FRYL: variants seen among roughly 807,000 people sequenced by gnomAD.
FRYL encodes the protein FRY like transcription coactivator.
A neutral mutation model predicts 351.2 loss-of-function variants in FRYL; 150 were observed. That is an observed-to-expected ratio of 0.43 (90% CI 0.37 to 0.49). FRYL has a LOEUF of 0.49. Among genes scored for constraint, FRYL ranks in the 20% least tolerant of loss-of-function variants. The pLI is 0.00. For synonymous variants in FRYL, 1,153 were observed against 1,257.1 expected (o/e 0.92, Z 1.75); for missense variants, 3,036 against 3,619.3 (o/e 0.84, Z 4.13).
chr4:48,667,917 T>C (rs1179875066), intron 3 of FRYL, among the ~76,000 whole-genome samples: 1 of 152,192 alleles, frequency 6.6e-6, no homozygotes, highest in African/African-American at 2.4e-5. Context: ...CAAAGTGCTG[T>C]GATTACAGGC....
intron 3 of FRYL, among the ~76,000 whole-genome samples, chr4:48,643,788 T>C (rs1306708685): frequency 3.9e-5 from 6 of 152,058 alleles, no homozygotes; most frequent in African/African-American, 1.2e-4. Context: ...AAGAAAAGCA[T>C]AGGACTTCAT....
At chr4:48,737,067 GTCAGGAGTT>G (rs1356947137) in intron 1 of FRYL, among the ~76,000 whole-genome samples, 1 of 151,502 alleles carries the variant, frequency 6.6e-6, no homozygotes, top group African/African-American at 2.4e-5. Flanking sequence ...ATCATCTGAG[GTCAGGAGTT>G]TCAGATCAGC....
At chr4:48,737,087 C>G (rs1370605292) in intron 1 of FRYL, among the ~76,000 whole-genome samples, 1 of 151,524 alleles carries the variant, frequency 6.6e-6, no homozygotes, top group Non-Finnish European at 1.5e-5. Flanking sequence ...TCAGATCAGC[C>G]TGGCCAACAT....
intron 18 of FRYL, 104 bp downstream of exon 18, chr4:48,589,641 T>C (rs1578245054): frequency 9.5e-7 from 1 of 1,054,692 alleles, no homozygotes; most frequent in Non-Finnish European, 1.4e-6. Context: ...GATAGAAACA[T>C]GGAAGAACTC....
chr4:48,614,815 C>CTT (rs369399363), intron 7 of FRYL, among the ~76,000 whole-genome samples: 1 of 67,930 alleles, frequency 1.5e-5, no homozygotes, highest in African/African-American at 6.0e-5. Context: ...AAGTTTAATG[C>CTT]TTTTTTTTTT....
chr4:48,525,970 CTGTATATGAGT>C (rs1374861217), intron 53 of FRYL, among the ~76,000 whole-genome samples: 2 of 149,766 alleles, frequency 1.3e-5, no homozygotes, highest in African/African-American at 2.5e-5. Flanking sequence ...TGTGTATGAG[CTGTATATGAGT>C]TGTATATGTG....
chr4:48,533,460 C>T (rs1416704355), intron 49 of FRYL, among the ~76,000 whole-genome samples: 2 of 152,112 alleles, frequency 1.3e-5, no homozygotes, highest in Non-Finnish European at 1.5e-5. Context: ...GATTACATAA[C>T]TGAATCACTG....
At position 48,593,943 on chromosome 4, in the gene FRYL, G is replaced by A. The variant is rs537581268; in HGVS notation, c.1322C>T (p.Thr441Ile). ...LSVGKSTKTF[T>I]INPERMNIGL... ...TAATTTTTTTACCTCTGGATTAATGGTGAAAGTTTTAGTAGATTTTCCAAC... is the reference window on the plus strand; with the variant it reads ...TAATTTTTTTACCTCTGGATTAATGATGAAAGTTTTAGTAGATTTTCCAAC... The change falls in exon 16 of 64, where the codon ACC becomes ATC. Residue 441 changes from threonine (T) to isoleucine (I), a missense_variant. By Grantham distance (89) the Thr-to-Ile change is moderately conservative. Around this residue, in one of 7 missense-constraint regions of FRYL, gnomAD observed 457 missense variants for 566.6 expected, o/e 0.81. Coordinates refer to ENST00000358350, the MANE Select transcript of FRYL (RefSeq NM_015030.2). The A allele has an allele frequency of 1.4e-6, 2 of 1,412,394 alleles. No homozygotes were observed. The highest frequency in any genetic ancestry group is 1.9e-6 in the Non-Finnish European group (2 of 1,063,006). 87.5% of individuals were successfully genotyped at this position (1,412,394 alleles called of 1,614,324 possible). A position where few individuals can be genotyped will look rare whatever the true frequency, so the allele number is the denominator to read the frequency against.
intron 61 of FRYL, 119 bp downstream of exon 61, chr4:48,502,709 T>C: frequency 2.9e-6 from 2 of 697,254 alleles, no homozygotes; most frequent in Non-Finnish European, 2.5e-6. Context: ...CTGAAGCACA[T>C]ACTACTTGTA....
chr4:48,579,319 A>G, intron 22 of FRYL, 78 bp from the exon 23 acceptor site: 1 of 1,180,874 alleles, frequency 8.5e-7, no homozygotes, highest in Non-Finnish European at 1.2e-6. Flanking sequence ...CTTTAAACTG[A>G]AAGTGGTGTA....
In FRYL at chr4:48,550,719, A is replaced by G. The variant is rs1732516166; in HGVS notation, c.4521-15T>C. 1 of 1,537,554 alleles carries G rather than the reference A, an allele frequency of 6.5e-7. No individual in the cohort carries two copies. Among genetic ancestry groups the G allele is most frequent in the Non-Finnish European group, 9.0e-7 (1 of 1,110,206 alleles). On this transcript the variant is annotated splice_polypyrimidine_tract_variant and intron_variant, in intron 37 of 63. Coordinates refer to ENST00000358350, the MANE Select transcript of FRYL (RefSeq NM_015030.2). ...GGTGCACATAGCTATGGGAATGATC[A>G]CTGAAGTTAGTCACAGTTCACGGTG... is the stretch of plus-strand genomic sequence containing the variant.
intron 1 of FRYL, among the ~76,000 whole-genome samples, chr4:48,723,894 CAGGCAAT>C (rs1290463005): frequency 1.4e-5 from 2 of 147,902 alleles, no homozygotes; most frequent in East Asian, 2.0e-4. Context: ...GAGACCAGCC[CAGGCAAT>C]ATAGTAAGAC....
At chr4:48,597,532 T>A (rs2149235712) in intron 13 of FRYL, among the ~76,000 whole-genome samples, 1 of 152,182 alleles carries the variant, frequency 6.6e-6, no homozygotes, top group African/African-American at 2.4e-5. Context: ...CCACAGGAAA[T>A]CTCGGTACCC....
chr4:48,584,267 C>G (rs1421739494), intron 19 of FRYL, among the ~76,000 whole-genome samples: 3 of 152,138 alleles, frequency 2.0e-5, no homozygotes, highest in Non-Finnish European at 4.4e-5. Flanking sequence ...ATATTAAACA[C>G]AATTATATGC....
chr4:48,672,116 G>A (rs1175554212), intron 3 of FRYL, among the ~76,000 whole-genome samples: 1 of 152,136 alleles, frequency 6.6e-6, no homozygotes. Flanking sequence ...ACCATTTACT[G>A]AACAATTATC....
Position 48,527,688 on chromosome 4 carries a change from C to T in FRYL, c.7141-35G>A, listed in dbSNP as rs759563088. ...GATTAAAAAAAAAAAAAAAGTCCAT[C>T]CATCAGATTTGTCACTCTGCGTATG... On this transcript the variant is annotated intron_variant, in intron 52 of 63. Coordinates refer to ENST00000358350, the MANE Select transcript of FRYL (RefSeq NM_015030.2). 1.3e-3 allele frequency: 2,007 copies of T among 1,574,494 alleles called. 1 individual carries two copies. The highest frequency in any genetic ancestry group is 1.6e-3 in the Non-Finnish European group (1,860 of 1,164,758).
chr4:48,586,344 G>C (rs534532073), intron 19 of FRYL, among the ~76,000 whole-genome samples: 16 of 152,112 alleles, frequency 1.1e-4, no homozygotes, highest in Admixed American at 5.9e-4. Flanking sequence ...ATGTGTTACA[G>C]AAATCCCAGG....
At position 48,557,544 on chromosome 4, in the gene FRYL, A is replaced by G. The variant is rs771680140; in HGVS notation, c.4034T>C (p.Val1345Ala). The change falls in exon 34 of 64, where the codon GTG (valine) becomes GCG (alanine). Residue 1345 changes from valine (V) to alanine (A), a missense_variant. Physicochemically the swap from Val to Ala is moderately conservative, Grantham distance 64. Around this residue, in one of 7 missense-constraint regions of FRYL, gnomAD observed 1,987 missense variants for 2,311.7 expected, o/e 0.86. Coordinates refer to ENST00000358350, the MANE Select transcript of FRYL (RefSeq NM_015030.2). ...TCCCCGTAACCAGCGCCTACTAGTC[A>G]CCATAAGTTCTCGGTCTTTTAAGGA... ...DDSLKDRELM[V>A]TSRRWLRGEG... is the part of the protein sequence containing the mutation. 1.2e-6 allele frequency: 2 copies of G among 1,614,054 alleles called. No individual in the cohort carries two copies. Among genetic ancestry groups the G allele is most frequent in the Non-Finnish European group, 1.7e-6 (2 of 1,180,000 alleles).
At chr4:48,675,166 T>TG in intron 3 of FRYL, among the ~76,000 whole-genome samples, 1 of 152,186 alleles carries the variant, frequency 6.6e-6, no homozygotes, top group African/African-American at 2.4e-5. Context: ...TCCTGAGAGG[T>TG]GACAGCGCGC....
Sources: allele counts gnomAD v4.1 joint callset (sites outside exome capture counted in the v4.1 genomes callset), GRCh38; gene constraint gnomAD v4.1.1; regional missense constraint gnomAD v4.1.1; transcripts MANE v1.5; gene names NCBI Gene and HGNC (gene_info 2026-07-23, HGNC 2026-07-21).